Variants in DMD observed in about 807,000 individuals in gnomAD.
DMD encodes mutant dystrophin.
A neutral mutation model predicts 330.1 loss-of-function variants in DMD; 63 were observed. That is an observed-to-expected ratio of 0.19 (90% confidence interval 0.16 to 0.24). The LOEUF is 0.24. DMD is among the 10% of genes least tolerant of loss of function. The probability of loss-of-function intolerance (pLI) is 1.00; values close to 1 mark genes in which losing one functional copy is unlikely to be tolerated. For missense variants in DMD, 3,344 were observed against 2,684.1 expected (o/e 1.25, Z -5.43); for synonymous variants, 1,223 against 959.8 (o/e 1.27, Z -5.07).
chrX:31,890,129 T>C (rs2149755496), intron 47 of DMD, among the ~76,000 whole-genome samples: 1 of 109,560 alleles, frequency 9.1e-6, no homozygotes, highest in South Asian at 3.9e-4. Flanking sequence ...TAAATCACTG[T>C]ACTTCAGAAT....
chrX:31,884,849 A>T (rs940368510), intron 47 of DMD, among the ~76,000 whole-genome samples: 3 of 111,748 alleles, frequency 2.7e-5, no homozygotes, highest in African/African-American at 9.7e-5. Flanking sequence ...TTAGAAATAC[A>T]TGCACACTTT....
intron 59 of DMD, among the ~76,000 whole-genome samples, chrX:31,446,444 C>A (rs1199093885): frequency 9.4e-6 from 1 of 106,036 alleles, no homozygotes; most frequent in Non-Finnish European, 1.9e-5. Context: ...TAAAAACAAA[C>A]AAAAGAGAGC....
intron 30 of DMD, among the ~76,000 whole-genome samples, chrX:32,403,007 A>G (rs1436481255): frequency 8.9e-6 from 1 of 111,800 alleles, no homozygotes; most frequent in East Asian, 2.8e-4. Flanking sequence ...GGAATTCAAT[A>G]AATTTGCCAG....
chrX:32,892,342 TTG>T (rs2085287145), intron 2 of DMD, among the ~76,000 whole-genome samples: 1 of 112,259 alleles, frequency 8.9e-6, no homozygotes, highest in Non-Finnish European at 1.9e-5. Flanking sequence ...ATCTGTACCA[TTG>T]TGTGTTTCTG....
At chrX:32,899,214 C>T (rs890264582) in intron 2 of DMD, among the ~76,000 whole-genome samples, 10 of 112,210 alleles carry the variant, frequency 8.9e-5, no homozygotes, top group African/African-American at 2.9e-4. Flanking sequence ...ACACAATGTC[C>T]GTATGCATTT....
chrX:31,889,662 C>A lies in DMD; in HGVS notation c.6913-14289G>T, dbSNP rs1182166539. On this transcript the variant is annotated intron_variant, in intron 47 of 78. Transcript: ENST00000357033. The stretch of plus-strand genomic sequence containing the variant: ...TCTCTCTCTCTCACACACACACACA[C>A]ACACACACACACACACACACGCACA... Among the ~76,000 whole-genome samples, 50 of 76,633 alleles carry A rather than the reference C, an allele frequency of 6.5e-4. 1 individual carries two copies. Among genetic ancestry groups the A allele is most frequent in the African/African-American group, 2.8e-3 (49 of 17,620 alleles). The allele number at this position is 76,633 out of a possible 115,157, so 66.5% of individuals were successfully genotyped here. A position where few individuals can be genotyped will look rare whatever the true frequency, so the allele number is the denominator to read the frequency against.
chrX:32,258,257 G>A (rs182039137), intron 43 of DMD, among the ~76,000 whole-genome samples: 14 of 111,754 alleles, frequency 1.3e-4, no homozygotes, highest in South Asian at 3.7e-4. Context: ...ACAGTGTGGC[G>A]ATTCCTCAAG....
chrX:32,655,186 A>G (rs983377012), intron 9 of DMD, among the ~76,000 whole-genome samples: 1 of 110,949 alleles, frequency 9.0e-6, no homozygotes, highest in Admixed American at 9.6e-5. Flanking sequence ...CTAGCTTTTG[A>G]ATGTGTTTGC....
At chrX:31,424,753 C>T (rs1184052952) in intron 60 of DMD, among the ~76,000 whole-genome samples, 1 of 112,398 alleles carries the variant, frequency 8.9e-6, no homozygotes, top group Non-Finnish European at 1.9e-5. Context: ...AACAGATAGT[C>T]TGACATTAGT....
intron 7 of DMD, among the ~76,000 whole-genome samples, chrX:32,769,484 T>C (rs2073368622): frequency 8.9e-6 from 1 of 111,996 alleles, no homozygotes; most frequent in Non-Finnish European, 1.9e-5. Flanking sequence ...CAGTCACCAA[T>C]AAGGAACACC....
At chrX:31,771,027 T>G (rs1452470285) in intron 51 of DMD, among the ~76,000 whole-genome samples, 1 of 112,055 alleles carries the variant, frequency 8.9e-6, no homozygotes, top group African/African-American at 3.2e-5. Context: ...AAAGTTTTTT[T>G]CAGTTTATAA....
intron 52 of DMD, among the ~76,000 whole-genome samples, chrX:31,709,034 G>A (rs922113739): frequency 2.5e-4 from 28 of 111,987 alleles, no homozygotes; most frequent in African/African-American, 8.8e-4. Context: ...CTCTTTGGGG[G>A]AACAAGGCAG....
chrX:31,265,791 G>T (rs1337267211), intron 62 of DMD, among the ~76,000 whole-genome samples: 3 of 76,785 alleles, frequency 3.9e-5, no homozygotes, highest in South Asian at 1.3e-3. Context: ...TGTGGGGGGG[G>T]GGGGGGTGGG....
intron 19 of DMD, among the ~76,000 whole-genome samples, chrX:32,497,258 A>C (rs934580536): frequency 1.8e-5 from 2 of 112,431 alleles, no homozygotes; most frequent in African/African-American, 3.2e-5. Flanking sequence ...ATTCTGTGCC[A>C]TTTAATTACA....
At chrX:32,484,467 A>T (rs1475340353) in intron 21 of DMD, among the ~76,000 whole-genome samples, 1 of 112,299 alleles carries the variant, frequency 8.9e-6, no homozygotes, top group East Asian at 2.8e-4. Flanking sequence ...CCAAAGAATA[A>T]TTTGTCCTTT....
At position 31,819,983 on chromosome X, in the gene DMD, A is replaced by G. The variant is rs747793896; in HGVS notation, c.7301T>C (p.Ile2434Thr). ...GGATCCAGTATACTTACAGGCTCCA[A>G]TAGTGGTCAGTCCAGGAGCTAGGTC... ...QPDLAPGLTT[I>T]GASPTQTVTL... Residue 2434 changes from isoleucine (I) to threonine (T), a missense_variant, in exon 50 of 79, where the codon ATT (isoleucine) becomes ACT (threonine). Ile to Thr is a moderately conservative substitution (Grantham distance 89). Transcript: ENST00000357033. 4 of 1,208,706 alleles carry G rather than the reference A, an allele frequency of 3.3e-6. No homozygotes were observed. The Admixed American group carries it at 6.5e-5, about 20-fold the overall frequency.
chrX:31,198,916 T>G (rs1057021570), intron 67 of DMD, among the ~76,000 whole-genome samples: 2 of 111,487 alleles, frequency 1.8e-5, no homozygotes, highest in Admixed American at 9.5e-5. Flanking sequence ...GGGGGAGGGG[T>G]GTTTATTTAT....
chrX:32,735,439 A>G (rs754694106), intron 7 of DMD, among the ~76,000 whole-genome samples: 1 of 111,186 alleles, frequency 9.0e-6, no homozygotes, highest in Non-Finnish European at 1.9e-5. Flanking sequence ...TGGAACCAAA[A>G]AAGAGCCCGC....
chrX:32,631,139 AT>A (rs1167409621), intron 11 of DMD, among the ~76,000 whole-genome samples: 1 of 111,767 alleles, frequency 8.9e-6, no homozygotes, highest in Non-Finnish European at 1.9e-5. Flanking sequence ...AATCCCCTGT[AT>A]TACCTGGTAG....
Sources: gnomAD v4.1 joint callset for allele counts (sites outside exome capture counted in the v4.1 genomes callset) on GRCh38, gnomAD v4.1.1 for gene constraint, MANE v1.5 for transcripts, NCBI Gene and HGNC (gene_info 2026-07-23, HGNC 2026-07-21) for gene names.